Variants in SEC63 observed in about 807,000 individuals in gnomAD.
The protein encoded by SEC63 is SEC63 protein translocation regulator.
A neutral mutation model predicts 116.2 loss-of-function variants in SEC63; 56 were observed. That is an observed-to-expected ratio of 0.48 (90% CI 0.39 to 0.60). The LOEUF is 0.60. Among genes scored for constraint, SEC63 ranks in the 20% least tolerant of loss-of-function variants. The pLI is 0.00. For missense variants in SEC63, 668 were observed against 900.0 expected, an observed-to-expected ratio of 0.74 and a Z score of 3.30; for synonymous variants, 273 against 294.6, an observed-to-expected ratio of 0.93 and a Z score of 0.75.
intron 1 of SEC63, among the ~76,000 whole-genome samples, chr6:107,952,175 A>G (rs1305097754): frequency 6.6e-6 from 1 of 152,214 alleles, no homozygotes; most frequent in Non-Finnish European, 1.5e-5. Context: ...GGTATTAATT[A>G]TAAGTACGCT....
chr6:107,921,035 A>G (rs1371627929), intron 4 of SEC63, among the ~76,000 whole-genome samples: 2 of 152,234 alleles, frequency 1.3e-5, no homozygotes, highest in Non-Finnish European at 2.9e-5. Flanking sequence ...ACATCTCAAC[A>G]AGTACAGTTG....
At chr6:107,938,738 T>C (rs1770310601) in intron 1 of SEC63, among the ~76,000 whole-genome samples, 1 of 151,784 alleles carries the variant, frequency 6.6e-6, no homozygotes, top group South Asian at 2.1e-4. Flanking sequence ...GTATTTTTAG[T>C]AGAGATGGGG....
At chr6:107,874,411 A>C (rs186314817) in intron 19 of SEC63, among the ~76,000 whole-genome samples, 18 of 151,980 alleles carry the variant, frequency 1.2e-4, no homozygotes, top group Non-Finnish European at 2.5e-4. Context: ...TGGCTAACAC[A>C]GTGAAACCCC....
At chr6:107,912,928 T>C (rs987121921) in intron 5 of SEC63, among the ~76,000 whole-genome samples, 154 bp from the exon 6 acceptor site, 11 of 152,230 alleles carry the variant, frequency 7.2e-5, no homozygotes, top group African/African-American at 2.4e-4. Context: ...TAGGCCCCCA[T>C]TACACAAAAG....
At chr6:107,937,430 C>G (rs1276336128) in intron 1 of SEC63, among the ~76,000 whole-genome samples, 1 of 152,192 alleles carries the variant, frequency 6.6e-6, no homozygotes, top group Non-Finnish European at 1.5e-5. Flanking sequence ...CCGGCCACTA[C>G]ATTTTCTTTA....
chr6:107,944,764 A>T (rs2744213), intron 1 of SEC63, among the ~76,000 whole-genome samples: 148,461 of 152,274 alleles, frequency 0.97, 72,406 homozygotes, highest in Middle Eastern at 0.99. Flanking sequence ...TCTGTGCATT[A>T]GTCTAATCCT....
At chr6:107,933,796 A>G (rs1288096102) in intron 1 of SEC63, among the ~76,000 whole-genome samples, 1 of 150,438 alleles carries the variant, frequency 6.6e-6, no homozygotes, top group East Asian at 2.0e-4. Context: ...TACTGCTGCC[A>G]TCTTGGCTCA....
chr6:107,901,280 AG>A, intron 13 of SEC63, 89 bp downstream of exon 13: 1 of 1,239,920 alleles, frequency 8.1e-7, no homozygotes, highest in South Asian at 1.2e-5. Context: ...TATGTTATTA[AG>A]TACAGTGTTT....
chr6:107,929,735 G>A (rs1338819350), intron 1 of SEC63, among the ~76,000 whole-genome samples: 1 of 152,140 alleles, frequency 6.6e-6, no homozygotes, highest in East Asian at 1.9e-4. Flanking sequence ...ACTACCAAGT[G>A]ACCATTTTGG....
chr6:107,929,602 C>A, intron 1 of SEC63, 88 bp from the exon 2 acceptor site: 1 of 758,814 alleles, frequency 1.3e-6, no homozygotes, highest in Admixed American at 1.9e-5. Flanking sequence ...ACCTTCATTA[C>A]CACGCTAATA....
intron 4 of SEC63, among the ~76,000 whole-genome samples, chr6:107,919,941 C>T (rs1327284934): frequency 6.6e-6 from 1 of 152,084 alleles, no homozygotes; most frequent in Non-Finnish European, 1.5e-5. Flanking sequence ...ATTTAATTGT[C>T]GTCTTATTTT....
At chr6:107,917,477 G>A (rs751854229) in intron 4 of SEC63, among the ~76,000 whole-genome samples, 17 of 152,110 alleles carry the variant, frequency 1.1e-4, no homozygotes, top group Non-Finnish European at 1.5e-5. Context: ...AGACTCACAC[G>A]TCTCTCACTC....
At chr6:107,879,166 A>G (rs986487230) in intron 18 of SEC63, among the ~76,000 whole-genome samples, 4 of 152,082 alleles carry the variant, frequency 2.6e-5, no homozygotes, top group Admixed American at 1.3e-4. Flanking sequence ...TTGTTTGTTC[A>G]TTTGTTTTGT....
At chr6:107,929,556 C>A in intron 1 of SEC63, 42 bp from the exon 2 acceptor site, 1 of 1,221,740 alleles carries the variant, frequency 8.2e-7, no homozygotes, top group Non-Finnish European at 1.2e-6. Context: ...AACCATTTTT[C>A]ACAAGTGAAG....
intron 4 of SEC63, among the ~76,000 whole-genome samples, chr6:107,921,532 G>C (rs1475164807): frequency 6.6e-6 from 1 of 151,336 alleles, no homozygotes; most frequent in Non-Finnish European, 1.5e-5. Flanking sequence ...GCTCACTGCA[G>C]CCTTGACCTC....
intron 11 of SEC63, 114 bp from the exon 12 acceptor site, chr6:107,903,112 G>C (rs1787046778): frequency 9.5e-7 from 1 of 1,049,002 alleles, no homozygotes; most frequent in African/African-American, 1.6e-5. Flanking sequence ...CAAATTTGAG[G>C]ATCATAGTAA....
chr6:107,937,897 G>C (rs1192180434), intron 1 of SEC63, among the ~76,000 whole-genome samples: 1 of 152,062 alleles, frequency 6.6e-6, no homozygotes, highest in Non-Finnish European at 1.5e-5. Flanking sequence ...TTTGCTTGTT[G>C]AGTTGTTTAA....
chr6:107,870,713 A>G lies in SEC63; in HGVS notation c.*991T>C, dbSNP rs1786111678. 2 of 152,160 alleles carry G rather than the reference A, an allele frequency of 1.3e-5. No individual in the cohort carries two copies. Among genetic ancestry groups the G allele is most frequent in the Admixed American group, 6.6e-5 (1 of 15,260 alleles). 9.4% of individuals were successfully genotyped at this position (152,160 alleles called of 1,614,324 possible). A position where few individuals can be genotyped will look rare whatever the true frequency, so the allele number is the denominator to read the frequency against. On this transcript the variant is annotated 3_prime_UTR_variant, in exon 21 of 21. Transcript: ENST00000369002. The stretch of plus-strand genomic sequence containing the variant: ...CTTTAGTTGAAAAATAAAGAAGTGG[A>G]TTGCCCTATTTATGTCCTGATAGTA...
At chr6:107,898,175 A>G (rs1786909780) in intron 13 of SEC63, among the ~76,000 whole-genome samples, 1 of 151,626 alleles carries the variant, frequency 6.6e-6, no homozygotes, top group Non-Finnish European at 1.5e-5. Context: ...GAGGTGGAGG[A>G]TAGCTTGAAC....
Sources: gnomAD v4.1 joint callset for allele counts (sites outside exome capture counted in the v4.1 genomes callset) on GRCh38, gnomAD v4.1.1 for gene constraint, MANE v1.5 for transcripts, NCBI Gene and HGNC (gene_info 2026-07-23, HGNC 2026-07-21) for gene names.